The following DMRT1 variants were observed in gnomAD, a reference collection of about 807,000 sequenced individuals.
DMRT1 encodes doublesex- and mab-3-related transcription factor 1.
In DMRT1, 7 loss-of-function variants were observed where a neutral mutation model predicts 32.3. The ratio of observed to expected loss-of-function variants is 0.22; its 90% CI spans 0.12 to 0.41. The LOEUF (loss-of-function observed/expected upper bound fraction) is 0.41, where lower values mean the gene tolerates loss of function less well. Ranked by LOEUF, DMRT1 falls within the 10% of genes least tolerant of loss-of-function variation. The pLI is 1.00. For missense variants in DMRT1, 625 were observed against 500.5 expected (o/e 1.25, Z -2.37); for synonymous variants, 278 against 206.1 (o/e 1.35, Z -2.99).
chr9:884,999 C>T lies in DMRT1; in HGVS notation c.539-8913C>T, dbSNP rs150943198. ...AAACAAAAACAAAAACATCTAACTT[C>T]ATATTTCCATTTGCATCATAACAGC... On this transcript the variant is annotated intron_variant, in intron 2 of 4. Transcript: ENST00000382276. 5.2e-3 allele frequency among the ~76,000 whole-genome samples: 796 copies of T among 152,280 alleles called. 6 individuals are homozygous for T. Among genetic ancestry groups the T allele is most frequent in the African/African-American group, 0.018 (759 of 41,566 alleles).
At chr9:887,159 A>T (rs1205377697) in intron 2 of DMRT1, among the ~76,000 whole-genome samples, 2 of 152,208 alleles carry the variant, frequency 1.3e-5, no homozygotes, top group Non-Finnish European at 2.9e-5. Context: ...AGATCACGCC[A>T]CTGCACTCCA....
Position 882,005 on chromosome 9 carries a change from A to T in DMRT1, c.539-11907A>T, listed in dbSNP as rs183647713. ...TCATGGCCATGAGACATTGCCTTGG[A>T]GGGTCAGAGAAATGGCATTTCCTCC... On this transcript the variant is annotated intron_variant, in intron 2 of 4. Transcript: ENST00000382276. Among the ~76,000 whole-genome samples the T allele has an allele frequency of 2.0e-3, 299 of 152,302 alleles. 1 individual carries two copies. The highest frequency in any genetic ancestry group is 6.8e-3 in the African/African-American group (282 of 41,562).
intron 3 of DMRT1, chr9:894,615 G>A: frequency 6.8e-6 from 2 of 295,934 alleles, no homozygotes; most frequent in Non-Finnish European, 1.3e-5. Flanking sequence ...GAAAATGCTG[G>A]GTAAAGCCTT....
At chr9:850,046 C>G (rs1263507028) in intron 2 of DMRT1, among the ~76,000 whole-genome samples, 1 of 152,130 alleles carries the variant, frequency 6.6e-6, no homozygotes, top group East Asian at 1.9e-4. Context: ...CTCGAACTCC[C>G]GACCTCAGGT....
intron 2 of DMRT1, among the ~76,000 whole-genome samples, chr9:880,160 G>C (rs1816674234): frequency 6.6e-6 from 1 of 152,106 alleles, no homozygotes; most frequent in African/African-American, 2.4e-5. Context: ...ACTCTTCCAG[G>C]ATATGGTGTT....
chr9:887,163 C>T (rs1465130394), intron 2 of DMRT1, among the ~76,000 whole-genome samples: 2 of 152,202 alleles, frequency 1.3e-5, no homozygotes, highest in African/African-American at 4.8e-5. Context: ...CACGCCACTG[C>T]ACTCCAGCCT....
chr9:917,617 G>C (rs550064397), intron 4 of DMRT1, among the ~76,000 whole-genome samples: 37 of 152,190 alleles, frequency 2.4e-4, no homozygotes, highest in Non-Finnish European at 2.9e-4. Flanking sequence ...GCAGTAAGTG[G>C]AAATCAGGGC....
At chr9:886,544 C>CCA (rs1459941699) in intron 2 of DMRT1, among the ~76,000 whole-genome samples, 2 of 152,142 alleles carry the variant, frequency 1.3e-5, no homozygotes, top group Non-Finnish European at 2.9e-5. Context: ...GCGTGAGCCA[C>CCA]CGTGTACGGC....
intron 4 of DMRT1, among the ~76,000 whole-genome samples, chr9:959,673 A>C (rs528960255): frequency 2.0e-4 from 30 of 152,192 alleles, no homozygotes; most frequent in African/African-American, 7.2e-4. Flanking sequence ...GATTACAGGC[A>C]TGTGCTACTA....
At chr9:962,262 T>C (rs1257639569) in intron 4 of DMRT1, among the ~76,000 whole-genome samples, 1 of 152,036 alleles carries the variant, frequency 6.6e-6, no homozygotes, top group Non-Finnish European at 1.5e-5. Context: ...GGAAGAGATG[T>C]CAGTGGGAGG....
At chr9:860,628 A>G (rs901854753) in intron 2 of DMRT1, among the ~76,000 whole-genome samples, 10 of 152,252 alleles carry the variant, frequency 6.6e-5, no homozygotes, top group African/African-American at 2.4e-4. Flanking sequence ...TTGATAAACA[A>G]GTACATCAAT....
In DMRT1 at chr9:956,790, G is replaced by T. The variant is rs562969937; in HGVS notation, c.968-11195G>T. ...CAGCCTTTCTTTCCTTAAGTTCAGAGCCTCGCTCTCTTGACCCAGTACCAA... is the reference window on the plus strand; with the variant it reads ...CAGCCTTTCTTTCCTTAAGTTCAGATCCTCGCTCTCTTGACCCAGTACCAA... On this transcript the variant is annotated intron_variant, in intron 4 of 4. Transcript: ENST00000382276. Among the ~76,000 whole-genome samples, 15 of 152,246 alleles carry T rather than the reference G, an allele frequency of 9.9e-5. No homozygotes were observed. The East Asian group carries it at 2.9e-3, about 29-fold the overall frequency.
chr9:923,252 A>T (rs1022347902), intron 4 of DMRT1, among the ~76,000 whole-genome samples: 1 of 152,134 alleles, frequency 6.6e-6, no homozygotes, highest in Non-Finnish European at 1.5e-5. Context: ...GCACCCTGAG[A>T]TCTACTTGCT....
At chr9:920,577 G>A (rs900768583) in intron 4 of DMRT1, among the ~76,000 whole-genome samples, 1 of 152,242 alleles carries the variant, frequency 6.6e-6, no homozygotes, top group Non-Finnish European at 1.5e-5. Flanking sequence ...AATTGGTGCA[G>A]TGAATACAGG....
chr9:939,703 G>T (rs560209651), intron 4 of DMRT1, among the ~76,000 whole-genome samples: 4 of 152,062 alleles, frequency 2.6e-5, no homozygotes, highest in African/African-American at 7.2e-5. Context: ...ACAAGCTCAC[G>T]GGGGGAAAAG....
chr9:942,445 T>C (rs1819106944), intron 4 of DMRT1, among the ~76,000 whole-genome samples: 1 of 152,074 alleles, frequency 6.6e-6, no homozygotes, highest in Admixed American at 6.6e-5. Flanking sequence ...AGCTAATTTT[T>C]AATATTTTGT....
chr9:947,330 T>C (rs1819279090), intron 4 of DMRT1, among the ~76,000 whole-genome samples: 1 of 152,220 alleles, frequency 6.6e-6, no homozygotes, highest in Admixed American at 6.5e-5. Context: ...AGACAATTAT[T>C]ATTCTTCCAA....
chr9:856,554 G>A (rs7046595), intron 2 of DMRT1, among the ~76,000 whole-genome samples: 64,423 of 152,026 alleles, frequency 0.42, 13,819 homozygotes, highest in East Asian at 0.59. Context: ...CCATGTTGTA[G>A]CATGTATTTT....
chr9:864,674 G>A (rs1009929257), intron 2 of DMRT1, among the ~76,000 whole-genome samples: 1 of 150,986 alleles, frequency 6.6e-6, no homozygotes, highest in Non-Finnish European at 1.5e-5. Flanking sequence ...AATTTTTTTT[G>A]TATTTTTAGT....
Sources: gnomAD v4.1 joint callset for allele counts (sites outside exome capture counted in the v4.1 genomes callset) on GRCh38, gnomAD v4.1.1 for gene constraint, MANE v1.5 for transcripts, NCBI Gene and HGNC (gene_info 2026-07-23, HGNC 2026-07-21) for gene names.